MRPS31: variants seen among roughly 807,000 people sequenced by gnomAD.
MRPS31 encodes the protein small ribosomal subunit protein mS31.
A neutral mutation model predicts 43.1 loss-of-function variants in MRPS31; 32 were observed. The ratio of observed to expected loss-of-function variants is 0.74; its 90% confidence interval spans 0.56 to 1.00. The LOEUF is 1.00. MRPS31 is among the 50% of genes least tolerant of loss of function. The pLI is 0.00. For missense variants in MRPS31, 437 were observed against 466.7 expected, an observed-to-expected ratio of 0.94 and a Z score of 0.59; for synonymous variants, 165 against 161.6, an observed-to-expected ratio of 1.02 and a Z score of -0.16.
chr13:40,749,654 CA>C, intron 5 of MRPS31: 1 of 154,724 alleles, frequency 6.5e-6, no homozygotes, highest in Non-Finnish European at 1.4e-5. Context: ...AAATTAGTCA[CA>C]AATGTACTAC....
At chr13:40,763,673 T>C (rs759452899) in intron 2 of MRPS31, among the ~76,000 whole-genome samples, 2 of 152,158 alleles carry the variant, frequency 1.3e-5, no homozygotes, top group Non-Finnish European at 2.9e-5. Flanking sequence ...TTCCAACACA[T>C]TGCCATATAT....
chr13:40,760,852 T>C (rs1880676204), intron 2 of MRPS31, among the ~76,000 whole-genome samples: 1 of 152,172 alleles, frequency 6.6e-6, no homozygotes, highest in Non-Finnish European at 1.5e-5. Flanking sequence ...TGGCTTTCTA[T>C]ATTATGATAC....
At position 40,757,954 on chromosome 13, in the gene MRPS31, A is replaced by G. The variant is rs142555733; in HGVS notation, c.600-941T>C. Among the ~76,000 whole-genome samples the G allele has an allele frequency of 2.4e-3, 362 of 151,020 alleles. 8 individuals carry two copies. The East Asian group carries it at 0.066, about 28-fold the overall frequency. ...TCAGGAGATCCAGACCATCCTGGCT[A>G]ACACAGTGAAACACTGTCTCTACTA... On this transcript the variant is annotated intron_variant, in intron 3 of 6. Transcript: ENST00000323563.
intron 2 of MRPS31, 141 bp downstream of exon 2, chr13:40,766,605 A>G: frequency 2.2e-6 from 2 of 894,528 alleles, no homozygotes; most frequent in Non-Finnish European, 3.3e-6. Context: ...TCGAGTAATT[A>G]TTAGAGTCCC....
chr13:40,729,472 T>C lies in MRPS31; in HGVS notation c.1088A>G (p.Tyr363Cys). ...TTCAACCTTCTGTTTAACACTAAGATATGGGTTTTTGGAAAGGCCACAAGT... is the reference window on the plus strand; with the variant it reads ...TTCAACCTTCTGTTTAACACTAAGACATGGGTTTTTGGAAAGGCCACAAGT... The part of the protein sequence containing the change: ...LVTCGLSKNP[Y>C]LSVKQKVEHI... Residue 363 changes from tyrosine (Y) to cysteine (C), a missense_variant, in exon 7 of 7, where the codon TAT (tyrosine) becomes TGT (cysteine). Transcript: ENST00000323563. 6.2e-7 allele frequency: 1 copy of C among 1,612,562 alleles called. No homozygotes were observed. Among genetic ancestry groups the C allele is most frequent in the Non-Finnish European group, 8.5e-7 (1 of 1,178,602 alleles).
intron 6 of MRPS31, among the ~76,000 whole-genome samples, chr13:40,738,621 A>C (rs2137996859): frequency 6.6e-6 from 1 of 152,282 alleles, no homozygotes; most frequent in South Asian, 2.1e-4. Flanking sequence ...CTGGGATGCA[A>C]GGCTGGTTCA....
chr13:40,760,619 C>T lies in MRPS31; in HGVS notation c.441-1513G>A, dbSNP rs138643477. Among the ~76,000 whole-genome samples, 220 of 146,996 alleles carry T rather than the reference C, an allele frequency of 1.5e-3. 2 individuals carry two copies. The highest frequency in any genetic ancestry group is 5.2e-3 in the African/African-American group (210 of 40,182). On this transcript the variant is annotated intron_variant, in intron 2 of 6. Transcript: ENST00000323563. The stretch of plus-strand genomic sequence containing the variant: ...TTATAAAAAGAAAATAAACTATTTA[C>T]AACATTTTTTCCTTTTTTTTTTTTT...
chr13:40,753,911 C>T (rs1228639629), intron 5 of MRPS31, 108 bp downstream of exon 5: 2 of 724,668 alleles, frequency 2.8e-6, no homozygotes, highest in Non-Finnish European at 4.5e-6. Flanking sequence ...AGGATCCAGG[C>T]CAATGACAGA....
intron 4 of MRPS31, among the ~76,000 whole-genome samples, chr13:40,755,212 T>A (rs1880498019): frequency 1.3e-5 from 2 of 152,204 alleles, no homozygotes; most frequent in African/African-American, 4.8e-5. Context: ...TCTAACAGGT[T>A]CCAAGTTATT....
intron 6 of MRPS31, among the ~76,000 whole-genome samples, chr13:40,741,403 A>G (rs1403690917): frequency 2.6e-5 from 4 of 152,240 alleles, no homozygotes; most frequent in Non-Finnish European, 5.9e-5. Flanking sequence ...TACAAACACT[A>G]TTAACAAAGA....
At chr13:40,737,807 T>C (rs1423031632) in intron 6 of MRPS31, among the ~76,000 whole-genome samples, 4 of 151,832 alleles carry the variant, frequency 2.6e-5, no homozygotes, top group East Asian at 1.9e-4. Flanking sequence ...GGGAAATTTA[T>C]AGCACTAAAT....
chr13:40,744,334 T>C (rs2138001606), intron 6 of MRPS31, among the ~76,000 whole-genome samples: 1 of 152,196 alleles, frequency 6.6e-6, no homozygotes, highest in South Asian at 2.1e-4. Context: ...CTTGCACATG[T>C]ACCCCTGAAC....
intron 5 of MRPS31, among the ~76,000 whole-genome samples, chr13:40,749,908 T>A (rs1385355941): frequency 6.6e-6 from 1 of 152,230 alleles, no homozygotes; most frequent in Non-Finnish European, 1.5e-5. Flanking sequence ...CACCAGTTAC[T>A]GCTGCTGGGA....
chr13:40,756,962 TCTAGCTGTAGC>T lies in MRPS31; in HGVS notation c.640_650del (p.Ala214SerfsTer12). 2 of 1,613,492 alleles carry T rather than the reference TCTAGCTGTAGC, an allele frequency of 1.2e-6. No individual in the cohort carries two copies. Among genetic ancestry groups the T allele is most frequent in the Non-Finnish European group, 1.7e-6 (2 of 1,179,688 alleles). On this transcript the variant is annotated frameshift_variant, in exon 4 of 7. Coordinates refer to ENST00000323563, the MANE Select transcript of MRPS31 (RefSeq NM_005830.4). LOFTEE classifies it high-confidence loss of function. ...TCCGAAGCTCTGGTCTTGAACGAAC[TCTAGCTGTAGC>T]AGATCTGGCAACTTTCATATCTGAT...
At chr13:40,740,549 A>G (rs1880054394) in intron 6 of MRPS31, among the ~76,000 whole-genome samples, 2 of 137,656 alleles carry the variant, frequency 1.5e-5, no homozygotes, top group Admixed American at 1.5e-4. Flanking sequence ...ATGTCCAACA[A>G]TGATAGACTG....
At chr13:40,766,594 C>T (rs9577141) in intron 2 of MRPS31, 152 bp downstream of exon 2, 45,627 of 834,996 alleles carry the variant, frequency 0.055, 2,844 homozygotes, top group East Asian at 0.24. Flanking sequence ...CATGCCCAGC[C>T]TCGAGTAATT....
At chr13:40,764,391 G>A (rs1880785389) in intron 2 of MRPS31, among the ~76,000 whole-genome samples, 1 of 151,874 alleles carries the variant, frequency 6.6e-6, no homozygotes, top group Admixed American at 6.6e-5. Context: ...TCAGAAATTG[G>A]TTGAATCTGT....
intron 2 of MRPS31, among the ~76,000 whole-genome samples, chr13:40,764,363 T>A (rs1053555948): frequency 2.0e-5 from 3 of 152,218 alleles, no homozygotes; most frequent in African/African-American, 7.2e-5. Flanking sequence ...ATATTGTATT[T>A]TTTTTTAATA....
chr13:40,741,420 C>G (rs1034478733), intron 6 of MRPS31, among the ~76,000 whole-genome samples: 3 of 152,074 alleles, frequency 2.0e-5, no homozygotes, highest in Admixed American at 2.0e-4. Context: ...AAGAGCCCAA[C>G]AGAAACAGTC....
Sources: gnomAD v4.1 joint callset for allele counts (sites outside exome capture counted in the v4.1 genomes callset) on GRCh38, gnomAD v4.1.1 for gene constraint, MANE v1.5 for transcripts, NCBI Gene and HGNC (gene_info 2026-07-23, HGNC 2026-07-21) for gene names.